TSGA10: variants seen among roughly 807,000 people sequenced by gnomAD.
TSGA10 encodes the protein testis specific 10, also known as testis-specific gene 10 protein.
Under a neutral mutation model 96.6 loss-of-function variants are expected in TSGA10, and 43 were observed. The observed-to-expected ratio is 0.44, with a 90% CI of 0.35 to 0.57. TSGA10 has a LOEUF of 0.57. TSGA10 is among the 20% of genes least tolerant of loss of function. The pLI, the probability that TSGA10 is intolerant of heterozygous loss-of-function variation, is 0.01. For synonymous variants in TSGA10, 229 were observed against 269.9 expected (o/e 0.85, Z 1.48); for missense variants, 703 against 834.4 (o/e 0.84, Z 1.94).
chr2:99,022,750 G>A (rs2080160026), intron 17 of TSGA10, among the ~76,000 whole-genome samples: 1 of 152,082 alleles, frequency 6.6e-6, no homozygotes, highest in African/African-American at 2.4e-5. Context: ...TTAACATTTT[G>A]AGGAACTGAC....
At chr2:99,016,294 AGG>A (rs2079511334) in intron 20 of TSGA10, among the ~76,000 whole-genome samples, 2 of 152,252 alleles carry the variant, frequency 1.3e-5, no homozygotes, top group African/African-American at 4.8e-5. Flanking sequence ...ATATAAAAAT[AGG>A]CACATAGACC....
intron 4 of TSGA10, among the ~76,000 whole-genome samples, chr2:99,112,428 T>C (rs1399343137): frequency 6.6e-6 from 1 of 152,040 alleles, no homozygotes; most frequent in Non-Finnish European, 1.5e-5. Context: ...GAATAGACAA[T>C]AATAAACCTA....
Position 99,064,981 on chromosome 2 carries a change from T to C in TSGA10, c.1362A>G (p.Arg454=). 1.2e-6 allele frequency: 2 copies of C among 1,603,464 alleles called. No homozygotes were observed. The highest frequency in any genetic ancestry group is 1.7e-6 in the Non-Finnish European group (2 of 1,176,722). Residue 454 remains arginine (R), a synonymous_variant, in exon 16 of 21, where the codon AGA becomes AGG. Transcript: ENST00000393483. ...TGAGGGAATCTACTTTTTCTTTTAA[T>C]CTGTTACCCTCTGCCTCAGCAGTGA... ...ELITAEAEGN[R]LKEKVDSLNR...
chr2:99,049,740 G>GAAAAAAAAAAAAAAAA (rs57254972), intron 16 of TSGA10, among the ~76,000 whole-genome samples: 1 of 145,582 alleles, frequency 6.9e-6, no homozygotes. Context: ...TTAAAAAAAA[G>GAAAAAAAAAAAAAAAA]AAAAAAAAAA....
At chr2:99,069,490 A>G (rs2085659164) in intron 14 of TSGA10, among the ~76,000 whole-genome samples, 1 of 152,030 alleles carries the variant, frequency 6.6e-6, no homozygotes, top group Non-Finnish European at 1.5e-5. Flanking sequence ...GATTCATTAT[A>G]TTTGAAAATG....
At chr2:99,029,966 AG>A (rs2080985607) in intron 17 of TSGA10, among the ~76,000 whole-genome samples, 2 of 152,238 alleles carry the variant, frequency 1.3e-5, no homozygotes, top group Non-Finnish European at 2.9e-5. Flanking sequence ...TTGTTTACCT[AG>A]AAAACCCCAT....
intron 1 of TSGA10, among the ~76,000 whole-genome samples, chr2:99,131,091 T>A (rs2093059036): frequency 6.6e-6 from 1 of 152,216 alleles, no homozygotes; most frequent in African/African-American, 2.4e-5. Flanking sequence ...TTCGTTCTTT[T>A]TGCTTAGGAT....
chr2:99,008,812 C>T (rs145477668), intron 20 of TSGA10, among the ~76,000 whole-genome samples: 11 of 152,178 alleles, frequency 7.2e-5, no homozygotes, highest in African/African-American at 2.7e-4. Flanking sequence ...TATGGTACAT[C>T]CATACACTGG....
rs542895987 is a variant in TSGA10 at position 99,108,722 on chromosome 2, T to G, written c.210+111A>C. ...TAAAAACATATGTAATCCCCAAATG[T>G]TAGATTAACTTGATTTGCAGGTTTA... On this transcript the variant is annotated intron_variant, in intron 7 of 20. Transcript: ENST00000393483. The G allele has an allele frequency of 5.1e-5, 36 of 708,388 alleles. No individual in the cohort carries two copies. The African/African-American group carries it at 6.0e-4, about 12-fold the overall frequency. The allele number at this position is 708,388 out of a possible 1,614,324, so 43.9% of individuals were successfully genotyped here. A position where few individuals can be genotyped will look rare whatever the true frequency, so the allele number is the denominator to read the frequency against.
chr2:99,132,803 T>G (rs2105039098), intron 1 of TSGA10, among the ~76,000 whole-genome samples: 1 of 152,364 alleles, frequency 6.6e-6, no homozygotes, highest in East Asian at 1.9e-4. Flanking sequence ...TTCTGGTATG[T>G]TGTGTCTTTG....
At chr2:99,020,745 C>T (rs950140294) in intron 17 of TSGA10, among the ~76,000 whole-genome samples, 1 of 151,904 alleles carries the variant, frequency 6.6e-6, no homozygotes, top group Non-Finnish European at 1.5e-5. Flanking sequence ...CCAGTTTCTA[C>T]TACCAGCTTT....
chr2:99,115,078 G>A (rs930775871), intron 4 of TSGA10, among the ~76,000 whole-genome samples: 11 of 152,006 alleles, frequency 7.2e-5, no homozygotes, highest in African/African-American at 2.7e-4. Flanking sequence ...GATTACAGGC[G>A]TATGGCAACA....
At chr2:99,076,527 G>C (rs2086715650) in intron 12 of TSGA10, among the ~76,000 whole-genome samples, 1 of 151,592 alleles carries the variant, frequency 6.6e-6, no homozygotes, top group Admixed American at 6.6e-5. Flanking sequence ...ATCTCTTCAT[G>C]TATCTATATC....
chr2:99,104,186 T>C (rs2091083781), intron 9 of TSGA10, 68 bp from the exon 10 acceptor site: 1 of 1,560,984 alleles, frequency 6.4e-7, no homozygotes, highest in South Asian at 1.2e-5. Context: ...CTGAAGGGCA[T>C]ACTCCCTCTG....
chr2:99,061,176 A>G (rs1028376754), intron 16 of TSGA10, among the ~76,000 whole-genome samples: 3 of 152,232 alleles, frequency 2.0e-5, no homozygotes, highest in Admixed American at 1.3e-4. Context: ...AATATCTACA[A>G]TTTAATAACA....
intron 17 of TSGA10, among the ~76,000 whole-genome samples, chr2:99,034,993 T>A (rs2081495879): frequency 6.6e-6 from 1 of 152,222 alleles, no homozygotes; most frequent in Non-Finnish European, 1.5e-5. Flanking sequence ...ATGTGTTTTA[T>A]GATTCTGCTG....
intron 1 of TSGA10, among the ~76,000 whole-genome samples, chr2:99,130,315 C>T (rs115844007): frequency 0.014 from 2,152 of 152,144 alleles, 44 homozygotes; most frequent in African/African-American, 0.046. Flanking sequence ...TTTTAATGAT[C>T]GCCATTCAAA....
At chr2:99,141,174 A>C (rs1035480336) in intron 1 of TSGA10, 10 of 1,246,216 alleles carry the variant, frequency 8.0e-6, no homozygotes, top group African/African-American at 3.2e-5. Context: ...TCAGCGGGGG[A>C]TACAAGAACC....
At chr2:99,125,359 C>T (rs2092773011) in intron 2 of TSGA10, 2 of 152,040 alleles carry the variant, frequency 1.3e-5, no homozygotes, top group African/African-American at 2.4e-5. Flanking sequence ...TTGTGTGGAC[C>T]AGTTACTTTA....
Sources: gnomAD v4.1 joint callset for allele counts (sites outside exome capture counted in the v4.1 genomes callset) on GRCh38, gnomAD v4.1.1 for gene constraint, MANE v1.5 for transcripts, NCBI Gene and HGNC (gene_info 2026-07-23, HGNC 2026-07-21) for gene names.